PLPP1: variants seen among roughly 807,000 people sequenced by gnomAD.
PLPP1 encodes phospholipid phosphatase 1.
PLPP1 carries 24 observed loss-of-function variants against 31.2 expected under a neutral mutation model. The ratio of observed to expected loss-of-function variants is 0.77; its 90% CI spans 0.56 to 1.08. The LOEUF is 1.08. Ranked by LOEUF, PLPP1 falls within the 50% of genes least tolerant of loss-of-function variation. The pLI, the probability that PLPP1 is intolerant of heterozygous loss-of-function variation, is 0.00. For synonymous variants in PLPP1, 146 were observed against 126.3 expected, an observed-to-expected ratio of 1.16 and a Z score of -1.05; for missense variants, 319 against 342.7, an observed-to-expected ratio of 0.93 and a Z score of 0.55.
intron 1 of PLPP1, chr5:55,509,001 T>C (rs1427623006): frequency 6.5e-6 from 1 of 153,010 alleles, no homozygotes; most frequent in Non-Finnish European, 1.5e-5. Flanking sequence ...GAAATGGAAT[T>C]AGAACTGAAT....
chr5:55,491,775 T>C (rs1453761489), intron 1 of PLPP1, among the ~76,000 whole-genome samples: 1 of 148,988 alleles, frequency 6.7e-6, no homozygotes, highest in African/African-American at 2.5e-5. Flanking sequence ...GGAGAATCGC[T>C]TGAACCCAGG....
chr5:55,468,261 A>C, intron 2 of PLPP1, 112 bp from the exon 3 acceptor site: 1 of 988,058 alleles, frequency 1.0e-6, no homozygotes, highest in Non-Finnish European at 1.5e-6. Context: ...TCTTTGTTTC[A>C]AAAACAGTCC....
At chr5:55,437,124 C>G (rs1751510598) in intron 4 of PLPP1, among the ~76,000 whole-genome samples, 1 of 152,196 alleles carries the variant, frequency 6.6e-6, no homozygotes, top group African/African-American at 2.4e-5. Flanking sequence ...ACCCAGTCTG[C>G]TGCAATTGGT....
chr5:55,496,061 T>C (rs1156803252), intron 1 of PLPP1, among the ~76,000 whole-genome samples: 2 of 152,142 alleles, frequency 1.3e-5, no homozygotes, highest in Non-Finnish European at 2.9e-5. Context: ...TTTCACCATG[T>C]TGGCCAGGCT....
intron 4 of PLPP1, among the ~76,000 whole-genome samples, chr5:55,436,367 C>T (rs962344535): frequency 2.0e-5 from 3 of 152,164 alleles, no homozygotes; most frequent in Non-Finnish European, 2.9e-5. Context: ...GTAAGTCTCA[C>T]GAGATCTGAT....
intron 2 of PLPP1, among the ~76,000 whole-genome samples, chr5:55,468,677 C>CATT (rs1752356730): frequency 6.6e-6 from 1 of 152,034 alleles, no homozygotes; most frequent in Non-Finnish European, 1.5e-5. Context: ...AAGGTGGGTG[C>CATT]CTGTAATCCC....
chr5:55,451,256 CA>C (rs376458985), intron 3 of PLPP1, among the ~76,000 whole-genome samples: 2 of 151,786 alleles, frequency 1.3e-5, no homozygotes, highest in African/African-American at 4.8e-5. Context: ...CCTGTCTCTA[CA>C]AAAAAAATTT....
At chr5:55,488,814 G>C (rs1463048295) in intron 1 of PLPP1, among the ~76,000 whole-genome samples, 1 of 152,052 alleles carries the variant, frequency 6.6e-6, no homozygotes, top group African/African-American at 2.4e-5. Flanking sequence ...AAAAGATCAT[G>C]GGCCAGGGGG....
At chr5:55,511,611 T>C (rs1025966280) in intron 1 of PLPP1, among the ~76,000 whole-genome samples, 1 of 151,196 alleles carries the variant, frequency 6.6e-6, no homozygotes, top group African/African-American at 2.4e-5. Flanking sequence ...TATTTTCTTT[T>C]CTGGGCTCTT....
chr5:55,464,680 G>A (rs1752248258), intron 3 of PLPP1, among the ~76,000 whole-genome samples: 1 of 152,148 alleles, frequency 6.6e-6, no homozygotes, highest in South Asian at 2.1e-4. Flanking sequence ...TGGATGAATT[G>A]CAAAACTAAC....
chr5:55,435,773 G>A (rs1751477485), intron 4 of PLPP1, among the ~76,000 whole-genome samples: 2 of 152,086 alleles, frequency 1.3e-5, no homozygotes, highest in African/African-American at 4.8e-5. Context: ...CTATTAAAAT[G>A]GGCTGGATAT....
At position 55,430,727 on chromosome 5, in the gene PLPP1, A is replaced by G. The variant is rs187340606; in HGVS notation, c.550-4688T>C. On this transcript the variant is annotated intron_variant, in intron 4 of 5. Coordinates refer to ENST00000307259, the MANE Select transcript of PLPP1 (RefSeq NM_003711.4). The stretch of plus-strand genomic sequence containing the variant: ...AAAGGAACACAGTAATTTTGTAGCA[A>G]CAGATTCCAATGAAGAAATGTGTGA... 2.0e-5 allele frequency among the ~76,000 whole-genome samples: 3 copies of G among 152,342 alleles called. No individual in the cohort carries two copies. The East Asian group carries it at 5.8e-4, about 29-fold the overall frequency.
At chr5:55,503,333 A>G (rs1404079793) in intron 1 of PLPP1, among the ~76,000 whole-genome samples, 2 of 152,236 alleles carry the variant, frequency 1.3e-5, no homozygotes, top group Admixed American at 1.3e-4. Context: ...TGATCTTAGT[A>G]TATTGCCTGG....
intron 1 of PLPP1, chr5:55,530,534 G>A: frequency 3.3e-6 from 4 of 1,219,686 alleles, no homozygotes; most frequent in East Asian, 2.3e-5. Context: ...AGATCTGAAA[G>A]TTTGGAATGA....
intron 4 of PLPP1, among the ~76,000 whole-genome samples, chr5:55,436,017 G>A (rs1249432978): frequency 7.8e-5 from 9 of 114,884 alleles, no homozygotes; most frequent in Admixed American, 8.6e-5. Context: ...CTGTCTCAGA[G>A]AAAAAAAAAA....
At chr5:55,428,198 C>T (rs922445319) in intron 4 of PLPP1, among the ~76,000 whole-genome samples, 1 of 152,210 alleles carries the variant, frequency 6.6e-6, no homozygotes, top group Non-Finnish European at 1.5e-5. Context: ...GACCATGGAC[C>T]CAGAAATTAT....
intron 1 of PLPP1, among the ~76,000 whole-genome samples, chr5:55,531,383 ATCACT>A (rs1579991414): frequency 6.6e-6 from 1 of 152,220 alleles, no homozygotes; most frequent in Non-Finnish European, 1.5e-5. Flanking sequence ...ATGTTTAATG[ATCACT>A]TCAACACACA....
At chr5:55,465,732 G>A (rs1273357120) in intron 3 of PLPP1, among the ~76,000 whole-genome samples, 1 of 152,050 alleles carries the variant, frequency 6.6e-6, no homozygotes, top group Non-Finnish European at 1.5e-5. Context: ...TTAAATTTCA[G>A]TCTCATTTTC....
intron 1 of PLPP1, among the ~76,000 whole-genome samples, chr5:55,480,748 A>T (rs747578980): frequency 2.6e-5 from 4 of 152,210 alleles, no homozygotes; most frequent in Non-Finnish European, 5.9e-5. Context: ...TCCTATGAAC[A>T]TTCATATACA....
Sources: allele counts gnomAD v4.1 joint callset (sites outside exome capture counted in the v4.1 genomes callset), GRCh38; gene constraint gnomAD v4.1.1; transcripts MANE v1.5; gene names NCBI Gene and HGNC (gene_info 2026-07-23, HGNC 2026-07-21).